The following XPNPEP1 variants were observed in gnomAD, a reference collection of about 807,000 sequenced individuals.
The protein encoded by XPNPEP1 is X-prolyl aminopeptidase 1, also known as xaa-Pro aminopeptidase 1.
XPNPEP1 carries 39 observed loss-of-function variants against 92.4 expected under a neutral mutation model. That is an observed-to-expected ratio of 0.42 (90% confidence interval 0.33 to 0.55). XPNPEP1 has a LOEUF of 0.55. XPNPEP1 is among the 20% of genes least tolerant of loss of function. XPNPEP1 has a pLI of 0.08. For synonymous variants in XPNPEP1, 307 were observed against 299.4 expected (o/e 1.03, Z -0.26); for missense variants, 654 against 856.1 (o/e 0.76, Z 2.95).
chr10:109,866,875 T>C (rs146367407), intron 20 of XPNPEP1, among the ~76,000 whole-genome samples: 2,263 of 152,324 alleles, frequency 0.015, 51 homozygotes, highest in South Asian at 0.12. Flanking sequence ...GGTGCAGCAA[T>C]GAAACACTGG....
rs374319708 is a variant in XPNPEP1, at chr10:109,870,718, G to A, written c.1696+13C>T. 1,121 of 1,613,374 alleles carry A rather than the reference G, an allele frequency of 6.9e-4. No homozygotes were observed. The highest frequency in any genetic ancestry group is 1.2e-3 in the Admixed American group (74 of 59,972). On this transcript the variant is annotated intron_variant, in intron 18 of 20. Transcript: ENST00000502935. ...AAGGATCCACGCATGCCCTCTATGT[G>A]AGGGACACTTACCATCAGTGACAAT...
chr10:109,884,791 G>A (rs1044404723), intron 8 of XPNPEP1, among the ~76,000 whole-genome samples: 4 of 152,222 alleles, frequency 2.6e-5, no homozygotes, highest in African/African-American at 9.6e-5. Flanking sequence ...GTTGCTGAAC[G>A]TCTGAGAACT....
intron 3 of XPNPEP1, among the ~76,000 whole-genome samples, chr10:109,905,237 G>A (rs1253761665): frequency 6.6e-6 from 1 of 151,896 alleles, no homozygotes; most frequent in South Asian, 2.1e-4. Context: ...ACGGAATCTC[G>A]CTCTGTCACC....
At chr10:109,882,366 C>T (rs562974419) in intron 10 of XPNPEP1, 66 bp downstream of exon 10, 3 of 1,561,420 alleles carry the variant, frequency 1.9e-6, no homozygotes, top group East Asian at 2.3e-5. Flanking sequence ...GCCTGTGCTC[C>T]AAAGACAATA....
intron 2 of XPNPEP1, among the ~76,000 whole-genome samples, chr10:109,914,606 G>A (rs1850072098): frequency 6.6e-6 from 1 of 152,086 alleles, no homozygotes; most frequent in South Asian, 2.1e-4. Context: ...AGACCAGCCT[G>A]GCCAACATGG....
intron 5 of XPNPEP1, chr10:109,891,438 A>G: frequency 3.8e-6 from 1 of 265,616 alleles, no homozygotes; most frequent in Non-Finnish European, 7.1e-6. Context: ...CCCCCAGTAC[A>G]GGAGTGAAAT....
intron 14 of XPNPEP1, chr10:109,875,852 T>A: frequency 2.7e-6 from 1 of 373,660 alleles, no homozygotes; most frequent in South Asian, 3.3e-5. Context: ...TTTCTTTATG[T>A]CTACCTCTGT....
intron 7 of XPNPEP1, among the ~76,000 whole-genome samples, chr10:109,886,734 G>A (rs141695348): frequency 6.6e-6 from 1 of 152,296 alleles, no homozygotes; most frequent in East Asian, 1.9e-4. Context: ...ACACACTACT[G>A]TAAATACTGA....
chr10:109,913,346 T>C (rs1287136600), intron 2 of XPNPEP1, among the ~76,000 whole-genome samples: 3 of 152,184 alleles, frequency 2.0e-5, no homozygotes, highest in African/African-American at 7.2e-5. Context: ...CAAGAAATAT[T>C]TGAATCTGGA....
At position 109,907,832 on chromosome 10, in the gene XPNPEP1, G is replaced by A; in HGVS notation, c.122-17C>T. 5.6e-6 allele frequency: 9 copies of A among 1,613,528 alleles called. No individual in the cohort carries two copies. Among genetic ancestry groups the A allele is most frequent in the African/African-American group, 1.3e-5 (1 of 75,028 alleles). On this transcript the variant is annotated splice_polypyrimidine_tract_variant and intron_variant, in intron 2 of 20. Coordinates refer to ENST00000502935, the MANE Select transcript of XPNPEP1 (RefSeq NM_020383.4). The stretch of plus-strand genomic sequence containing the variant: ...TTCTGCCGTCTGCAACAACAGGAGA[G>A]CAAATTTCAAAACCAGCCTGCCCCC...
At chr10:109,904,030 G>A (rs773432932) in intron 3 of XPNPEP1, among the ~76,000 whole-genome samples, 1 of 151,078 alleles carries the variant, frequency 6.6e-6, no homozygotes, top group Non-Finnish European at 1.5e-5. Flanking sequence ...TTTTTTGGCA[G>A]AGATGGGGTT....
At chr10:109,913,277 T>C (rs1849980238) in intron 2 of XPNPEP1, among the ~76,000 whole-genome samples, 1 of 152,218 alleles carries the variant, frequency 6.6e-6, no homozygotes, top group Admixed American at 6.5e-5. Context: ...GCCAGGCAAA[T>C]TAAACATGAT....
At chr10:109,897,260 T>C (rs1849037125) in intron 3 of XPNPEP1, among the ~76,000 whole-genome samples, 1 of 150,192 alleles carries the variant, frequency 6.7e-6, no homozygotes, top group Admixed American at 6.6e-5. Flanking sequence ...AAAGCATCTG[T>C]AAACTACAAA....
At position 109,869,782 on chromosome 10, in the gene XPNPEP1, C is replaced by T. The variant is rs1847346861; in HGVS notation, c.1773+171G>A. 3 of 588,894 alleles carry T rather than the reference C, an allele frequency of 5.1e-6. No individual in the cohort carries two copies. In the South Asian group the frequency reaches 6.7e-5, roughly 13 times the overall value. 36.5% of individuals were successfully genotyped at this position (588,894 alleles called of 1,614,324 possible). A position where few individuals can be genotyped will look rare whatever the true frequency, so the allele number is the denominator to read the frequency against. Reference sequence around the variant, plus strand: ...TCTGGAGAAGAAGGCTCCATGTTGGCCCCAGAATGGCATACTCTTGGCTCC... The same window carrying T: ...TCTGGAGAAGAAGGCTCCATGTTGGTCCCAGAATGGCATACTCTTGGCTCC... On this transcript the variant is annotated intron_variant, in intron 19 of 20. Transcript: ENST00000502935.
chr10:109,913,763 G>A (rs1480801139), intron 2 of XPNPEP1, among the ~76,000 whole-genome samples: 3 of 152,160 alleles, frequency 2.0e-5, no homozygotes, highest in African/African-American at 7.2e-5. Context: ...CAAAACAAGT[G>A]AGCTCCAGTT....
intron 15 of XPNPEP1, 52 bp downstream of exon 15, chr10:109,875,476 T>G (rs1015390253): frequency 6.4e-6 from 10 of 1,571,314 alleles, no homozygotes; most frequent in Admixed American, 1.7e-5. Flanking sequence ...GTCCACCTTC[T>G]CCACTGCCTC....
chr10:109,913,369 G>T lies in XPNPEP1; in HGVS notation c.121+1642C>A, dbSNP rs148639004. Among the ~76,000 whole-genome samples, 114 of 152,336 alleles carry T rather than the reference G, an allele frequency of 7.5e-4. 2 individuals carry two copies. The East Asian group carries it at 0.018, about 24-fold the overall frequency. On this transcript the variant is annotated intron_variant, in intron 2 of 20. Transcript: ENST00000502935. ...ATTTGAATCTGGATCTGAAGCACCA[G>T]CTGGAATTCCCAAGTCTCGTTATAA...
rs375944731 is a variant in XPNPEP1, at chr10:109,870,944, C to T, written c.1523-40G>A. 120 of 1,575,772 alleles carry T rather than the reference C, an allele frequency of 7.6e-5. No homozygotes were observed. In the East Asian group the frequency reaches 8.6e-4, roughly 11 times the overall value. ...GAGCCACTTAATTGTATTTGTACAG[C>T]GCTTTAGAGATTAAATTTATTATGT... On this transcript the variant is annotated intron_variant, in intron 17 of 20. Transcript: ENST00000502935.
chr10:109,882,695 G>C (rs187715820), intron 9 of XPNPEP1, 53 bp from the exon 10 acceptor site: 470 of 1,587,944 alleles, frequency 3.0e-4, no homozygotes, highest in Non-Finnish European at 3.8e-4. Context: ...ATGAGTGAGA[G>C]GTGGCAACAC....
Sources: gnomAD v4.1 joint callset for allele counts (sites outside exome capture counted in the v4.1 genomes callset) on GRCh38, gnomAD v4.1.1 for gene constraint, MANE v1.5 for transcripts, NCBI Gene and HGNC (gene_info 2026-07-23, HGNC 2026-07-21) for gene names.